ANKRD27: variants seen among roughly 807,000 people sequenced by gnomAD.
ANKRD27 encodes the protein ankyrin repeat domain-containing protein 27.
In ANKRD27, 112 loss-of-function variants were observed where a neutral mutation model predicts 129.7. The observed-to-expected ratio is 0.86, with a 90% confidence interval of 0.74 to 1.01. The LOEUF is 1.01. Among genes scored for constraint, ANKRD27 ranks in the 50% least tolerant of loss-of-function variants. ANKRD27 has a pLI of 0.00. For missense variants in ANKRD27, 1,258 were observed against 1,300.5 expected (o/e 0.97, Z 0.50); for synonymous variants, 516 against 511.2 (o/e 1.01, Z -0.13).
At chr19:32,641,802 C>CT (rs1967206638) in intron 10 of ANKRD27, among the ~76,000 whole-genome samples, 1 of 130,954 alleles carries the variant, frequency 7.6e-6, no homozygotes, top group Admixed American at 8.5e-5. Context: ...GGGTCTCACT[C>CT]TATCACCCAG....
At chr19:32,664,964 T>TTA (rs59498550) in intron 1 of ANKRD27, among the ~76,000 whole-genome samples, 1 of 146,570 alleles carries the variant, frequency 6.8e-6, no homozygotes. Context: ...ATATTTTACA[T>TTA]TTTTTTATTC....
At chr19:32,634,188 C>G (rs1187194588) in intron 12 of ANKRD27, among the ~76,000 whole-genome samples, 1 of 152,184 alleles carries the variant, frequency 6.6e-6, no homozygotes. Context: ...AGGAGATACA[C>G]TTGGGATTTT....
chr19:32,652,979 G>A lies in ANKRD27; in HGVS notation c.103-3187C>T, dbSNP rs988839822. ...TCAAATAAAAGGCAAGAATCTGCCT[G>A]AGTGGCACCTACTCCAGGGCACTCT... is the stretch of plus-strand genomic sequence containing the variant. On this transcript the variant is annotated intron_variant, in intron 2 of 28. Transcript: ENST00000306065. Among the ~76,000 whole-genome samples, 3 of 152,148 alleles carry A rather than the reference G, an allele frequency of 2.0e-5. No homozygotes were observed. The South Asian group carries it at 6.2e-4, about 31-fold the overall frequency.
At chr19:32,664,905 G>A (rs1452998556) in intron 1 of ANKRD27, among the ~76,000 whole-genome samples, 3 of 121,616 alleles carry the variant, frequency 2.5e-5, no homozygotes, top group Admixed American at 9.8e-5. Flanking sequence ...GGGTGACAGA[G>A]TGAGACTCTG....
intron 1 of ANKRD27, chr19:32,673,384 A>T: frequency 1.0e-6 from 1 of 985,020 alleles, no homozygotes; most frequent in Non-Finnish European, 1.2e-6. Flanking sequence ...GATTTCACTC[A>T]CGCCTGTCCA....
chr19:32,628,588 C>A (rs991226298), intron 14 of ANKRD27, 134 bp downstream of exon 14: 7 of 1,141,202 alleles, frequency 6.1e-6, no homozygotes, highest in Non-Finnish European at 8.8e-6. Context: ...TTATCATCTC[C>A]ACTGTACAGC....
chr19:32,626,491 A>T (rs1272677240), intron 16 of ANKRD27, among the ~76,000 whole-genome samples: 1 of 147,374 alleles, frequency 6.8e-6, no homozygotes, highest in Non-Finnish European at 1.5e-5. Flanking sequence ...TTCAAATCTA[A>T]ACCTAACGAT....
At chr19:32,656,603 A>G (rs1418316269) in intron 2 of ANKRD27, among the ~76,000 whole-genome samples, 1 of 112,964 alleles carries the variant, frequency 8.9e-6, no homozygotes, top group Non-Finnish European at 2.4e-5. Context: ...CCTGGGCAAC[A>G]TAGTGAGACC....
At chr19:32,601,454 C>T (rs1456128092) in intron 26 of ANKRD27, among the ~76,000 whole-genome samples, 1 of 151,682 alleles carries the variant, frequency 6.6e-6, no homozygotes, top group Non-Finnish European at 1.5e-5. Flanking sequence ...ACAAAATTAG[C>T]TGGGCGTGGT....
intron 22 of ANKRD27, among the ~76,000 whole-genome samples, chr19:32,610,412 G>A (rs1231862717): frequency 6.7e-6 from 1 of 150,288 alleles, no homozygotes; most frequent in Non-Finnish European, 1.5e-5. Flanking sequence ...TTGGGCCCAA[G>A]AGTTTGAGGC....
chr19:32,607,357 A>C (rs148869131), intron 23 of ANKRD27, among the ~76,000 whole-genome samples: 1 of 151,904 alleles, frequency 6.6e-6, no homozygotes, highest in Non-Finnish European at 1.5e-5. Flanking sequence ...ACACGAGCTC[A>C]AGAGCCAGAT....
rs940443719 is a variant in ANKRD27, at chr19:32,616,422, G to A, written c.2053-642C>T. ...ACAAAAATTAGCTGGGTGTGGTGGC[G>A]CATGCCTGTAGTCCCACCTTCTCAG... On this transcript the variant is annotated intron_variant, in intron 21 of 28. Coordinates refer to ENST00000306065, the MANE Select transcript of ANKRD27 (RefSeq NM_032139.3). Among the ~76,000 whole-genome samples the A allele has an allele frequency of 4.6e-5, 7 of 151,966 alleles. No homozygotes were observed. The East Asian group carries it at 5.8e-4, about 13-fold the overall frequency.
At chr19:32,632,976 A>C (rs6510275) in intron 12 of ANKRD27, among the ~76,000 whole-genome samples, 36 of 152,176 alleles carry the variant, frequency 2.4e-4, no homozygotes, top group African/African-American at 7.9e-4. Context: ...TGTGAGAGGC[A>C]CTTCTGCCCC....
chr19:32,635,771 G>A (rs550063731), intron 12 of ANKRD27, among the ~76,000 whole-genome samples: 45 of 152,190 alleles, frequency 3.0e-4, no homozygotes, highest in African/African-American at 1.1e-3. Flanking sequence ...TCAGAGAAGA[G>A]CAGAGATTAA....
chr19:32,617,599 T>C lies in ANKRD27; in HGVS notation c.2042A>G (p.Asp681Gly), dbSNP rs1408983887. Residue 681 changes from aspartate (D) to glycine (G), a missense_variant, in exon 21 of 29, where the codon GAT becomes GGT. By Grantham distance (94) the Asp-to-Gly change is moderately conservative (BLOSUM62 -1). Coordinates refer to ENST00000306065, the MANE Select transcript of ANKRD27 (RefSeq NM_032139.3). Reference sequence around the variant, plus strand: ...CTTCTAAAAACTCACCATTTCTAGATCTCCATCAGCAACTGCTCTCAAAAG... The same window carrying C: ...CTTCTAAAAACTCACCATTTCTAGACCTCCATCAGCAACTGCTCTCAAAAG... ...EKLLRAVADG[D>G]LEMVRYLLEW... 5.3e-6 allele frequency: 4 copies of C among 757,826 alleles called. No homozygotes were observed. Among genetic ancestry groups the C allele is most frequent in the Non-Finnish European group, 9.8e-6 (4 of 409,966 alleles). The allele number at this position is 757,826 out of a possible 1,614,324, so 46.9% of individuals were successfully genotyped here. A position where few individuals can be genotyped will look rare whatever the true frequency, so the allele number is the denominator to read the frequency against.
intron 2 of ANKRD27, among the ~76,000 whole-genome samples, chr19:32,657,265 C>T (rs1967556852): frequency 6.6e-6 from 1 of 151,900 alleles, no homozygotes; most frequent in Non-Finnish European, 1.5e-5. Flanking sequence ...AGATCGAGAC[C>T]ATCCTGGCCA....
chr19:32,610,517 C>T (rs1361722487), intron 22 of ANKRD27, among the ~76,000 whole-genome samples: 3 of 149,566 alleles, frequency 2.0e-5, no homozygotes, highest in East Asian at 2.0e-4. Flanking sequence ...TTAGGCCAAG[C>T]GCAGTGGCTC....
Position 32,643,124 on chromosome 19 carries a change from T to C in ANKRD27, c.781A>G (p.Ser261Gly), listed in dbSNP as rs1268645137. ...QKDIGVKPEFSFNIPRAKREL... is the reference protein window; with the variant it reads ...QKDIGVKPEFGFNIPRAKREL... Reference sequence around the variant, plus strand: ...AGCCGCTGTGGCGCAAACCCTTACCTGAACTCCGGTTTCACACCAATATCT... The same window carrying C: ...AGCCGCTGTGGCGCAAACCCTTACCCGAACTCCGGTTTCACACCAATATCT... Residue 261 changes from serine (S) to glycine (G), a missense_variant and splice_region_variant, in exon 9 of 29, where the codon AGC (serine) becomes GGC (glycine). Ser to Gly is a moderately conservative substitution (Grantham distance 56). Coordinates refer to ENST00000306065, the MANE Select transcript of ANKRD27 (RefSeq NM_032139.3). 3 of 1,613,606 alleles carry C rather than the reference T, an allele frequency of 1.9e-6. No individual in the cohort carries two copies. The highest frequency in any genetic ancestry group is 2.5e-6 in the Non-Finnish European group (3 of 1,179,936).
chr19:32,645,369 G>T (rs991352496), intron 4 of ANKRD27, among the ~76,000 whole-genome samples: 2 of 151,898 alleles, frequency 1.3e-5, no homozygotes, highest in African/African-American at 4.8e-5. Flanking sequence ...CCAAGATTGC[G>T]CCACTGCACT....
Sources: gnomAD v4.1 joint callset for allele counts (sites outside exome capture counted in the v4.1 genomes callset) on GRCh38, gnomAD v4.1.1 for gene constraint, MANE v1.5 for transcripts, NCBI Gene and HGNC (gene_info 2026-07-23, HGNC 2026-07-21) for gene names.